The following DRC11 variants were observed in gnomAD, a reference collection of about 807,000 sequenced individuals.
DRC11 encodes IQ and AAA domain-containing protein 1.
chr2:236,357,755 A>AT, the DRC11 span, among the ~76,000 whole-genome samples: 1 of 126,788 alleles, frequency 7.9e-6, no homozygotes, highest in Non-Finnish European at 1.5e-5. Flanking sequence ...TAAATATATA[A>AT]ATATACATAT....
the DRC11 span, among the ~76,000 whole-genome samples, chr2:236,484,634 G>T: frequency 6.6e-6 from 1 of 151,134 alleles, no homozygotes; most frequent in Non-Finnish European, 1.5e-5. Flanking sequence ...AATTCCAAGG[G>T]TTGGCACTAC....
At chr2:236,458,970 A>C in the DRC11 span, among the ~76,000 whole-genome samples, 1 of 152,084 alleles carries the variant, frequency 6.6e-6, no homozygotes, top group Non-Finnish European at 1.5e-5. Context: ...TCTTGAACCC[A>C]GGAGTTGGAG....
chr2:236,450,761 C>T, the DRC11 span, among the ~76,000 whole-genome samples: 8 of 151,684 alleles, frequency 5.3e-5, no homozygotes, highest in South Asian at 1.7e-3. Flanking sequence ...GCTCCTGGCT[C>T]TCCACTTTGT....
At chr2:236,404,563 A>G in the DRC11 span, among the ~76,000 whole-genome samples, 1 of 152,198 alleles carries the variant, frequency 6.6e-6, no homozygotes, top group Non-Finnish European at 1.5e-5. Context: ...TGCTGGTTTA[A>G]TGGTCATGGT....
chr2:236,505,047 C>T, the DRC11 span, among the ~76,000 whole-genome samples: 1 of 152,164 alleles, frequency 6.6e-6, no homozygotes, highest in African/African-American at 2.4e-5. Context: ...TTTAAATGCA[C>T]TTTGCAAACA....
At chr2:236,369,943 CA>C in the DRC11 span, among the ~76,000 whole-genome samples, 2 of 152,198 alleles carry the variant, frequency 1.3e-5, no homozygotes, top group Non-Finnish European at 2.9e-5. The surrounding 1 kb of genome is among the most constrained non-coding windows in gnomAD (Gnocchi z 4.5). Context: ...GGCAGAAAAC[CA>C]AACAGCGGCT....
At chr2:236,400,521 C>A in the DRC11 span, among the ~76,000 whole-genome samples, 1 of 152,362 alleles carries the variant, frequency 6.6e-6, no homozygotes, top group South Asian at 2.1e-4. The surrounding 1 kb of genome is among the most constrained non-coding windows in gnomAD (Gnocchi z 7.9). Flanking sequence ...TTGACACTGC[C>A]TCAATAGTCT....
At chr2:236,405,669 A>C in the DRC11 span, among the ~76,000 whole-genome samples, 4 of 152,092 alleles carry the variant, frequency 2.6e-5, no homozygotes, top group African/African-American at 7.2e-5. The surrounding 1 kb of genome is among the most constrained non-coding windows in gnomAD (Gnocchi z 4.6). Flanking sequence ...AGGCCTCTCG[A>C]TTTGATTTAG....
the DRC11 span, among the ~76,000 whole-genome samples, chr2:236,360,620 A>G: frequency 1.3e-5 from 2 of 152,206 alleles, no homozygotes; most frequent in Non-Finnish European, 2.9e-5. The surrounding 1 kb of genome is among the most constrained non-coding windows in gnomAD (Gnocchi z 5.8). Context: ...GCCTGGCTTC[A>G]AATTCCAGCT....
chr2:236,338,459 C>CCAAT, the DRC11 span: 1 of 1,287,070 alleles, frequency 7.8e-7, no homozygotes, highest in Non-Finnish European at 1.1e-6. Flanking sequence ...ACTTAGGATG[C>CCAAT]ATTGCAGCAT....
the DRC11 span, among the ~76,000 whole-genome samples, chr2:236,483,601 A>C: frequency 6.6e-6 from 1 of 152,176 alleles, no homozygotes; most frequent in South Asian, 2.1e-4. The surrounding 1 kb of genome is among the most constrained non-coding windows in gnomAD (Gnocchi z 4.8). Context: ...AGTTTCTGGA[A>C]CATGGACTTG....
the DRC11 span, chr2:236,408,701 T>C: frequency 5.0e-4 from 359 of 714,966 alleles, 8 homozygotes; most frequent in South Asian, 5.1e-3. This position sits in a 1 kb window ranked among gnomAD's most constrained non-coding sequence, Gnocchi z 5.5. Flanking sequence ...CCTTCTTAGA[T>C]TTATGCCAGT....
chr2:236,316,012 T>C, the DRC11 span, among the ~76,000 whole-genome samples: 1 of 152,100 alleles, frequency 6.6e-6, no homozygotes, highest in Non-Finnish European at 1.5e-5. The surrounding 1 kb of genome is among the most constrained non-coding windows in gnomAD (Gnocchi z 6.8). Flanking sequence ...TAAAAGCTTC[T>C]GAAAGCTATT....
chr2:236,489,834 A>T, the DRC11 span, among the ~76,000 whole-genome samples: 3 of 152,212 alleles, frequency 2.0e-5, no homozygotes, highest in Non-Finnish European at 2.9e-5. Context: ...CTGGGGCGAG[A>T]GGATCACTTG....
At chr2:236,418,543 C>T in the DRC11 span, among the ~76,000 whole-genome samples, 3 of 152,150 alleles carry the variant, frequency 2.0e-5, no homozygotes, top group Non-Finnish European at 4.4e-5. Context: ...AGCATATGGG[C>T]CCTAAGAGTT....
At chr2:236,507,162 G>T in the DRC11 span, 2 of 1,365,090 alleles carry the variant, frequency 1.5e-6, no homozygotes, top group African/African-American at 1.4e-5. Context: ...GAGGAGAAAA[G>T]AAAAGAAAAA....
the DRC11 span, among the ~76,000 whole-genome samples, chr2:236,364,834 T>A: frequency 6.6e-6 from 1 of 152,186 alleles, no homozygotes; most frequent in African/African-American, 2.4e-5. Flanking sequence ...ATGATTATGC[T>A]TTTCTTTTTT....
the DRC11 span, among the ~76,000 whole-genome samples, chr2:236,307,447 C>T: frequency 4.6e-5 from 7 of 152,336 alleles, no homozygotes; most frequent in East Asian, 1.3e-3. This position sits in a 1 kb window ranked among gnomAD's most constrained non-coding sequence, Gnocchi z 7.0. Flanking sequence ...GAGCCACTCC[C>T]TTTAACATGC....
chr2:236,410,741 A>G, the DRC11 span, among the ~76,000 whole-genome samples: 102 of 150,180 alleles, frequency 6.8e-4, no homozygotes, highest in Admixed American at 3.2e-3. Flanking sequence ...AAATAATGCC[A>G]CATATCTACA....
Sources: allele counts gnomAD v4.1 joint callset (sites outside exome capture counted in the v4.1 genomes callset), GRCh38; gene constraint gnomAD v4.1.1; non-coding constraint Gnocchi (gnomAD v3.1); transcripts MANE v1.5; gene names NCBI Gene and HGNC (gene_info 2026-07-23, HGNC 2026-07-21).